Variants in INTU observed in about 807,000 individuals in gnomAD.
INTU encodes the protein inturned planar cell polarity protein.
In INTU, 68 loss-of-function variants were observed where a neutral mutation model predicts 100.5. The observed-to-expected ratio is 0.68, with a 90% CI of 0.56 to 0.83. The LOEUF is 0.83. INTU is among the 40% of genes least tolerant of loss of function. The pLI is 0.00. For synonymous variants in INTU, 357 were observed against 395.7 expected, an observed-to-expected ratio of 0.90 and a Z score of 1.16; for missense variants, 1,071 against 1,114.7, an observed-to-expected ratio of 0.96 and a Z score of 0.56.
Position 127,685,704 on chromosome 4 carries a change from C to T in INTU, c.1259+1218C>T, listed in dbSNP as rs2126229550. The stretch of plus-strand genomic sequence containing the variant: ...TTTACTCAACAGAAGAAAACTTTGC[C>T]ATATTTTGCCCTAATTGAAGCTTTC... On this transcript the variant is annotated intron_variant, in intron 7 of 15. Coordinates refer to ENST00000335251, the MANE Select transcript of INTU (RefSeq NM_015693.4). The T allele has an allele frequency of 1.3e-5, 3 of 230,560 alleles. 1 individual carries two copies. In the South Asian group the frequency reaches 1.6e-4, roughly 13 times the overall value. The allele number at this position is 230,560 out of a possible 1,614,324, so 14.3% of individuals were successfully genotyped here.
chr4:127,670,577 T>A (rs975494717), intron 5 of INTU, among the ~76,000 whole-genome samples: 1 of 151,926 alleles, frequency 6.6e-6, no homozygotes, highest in African/African-American at 2.4e-5. Context: ...ACATAAGTGA[T>A]ACAATTCACC....
intron 3 of INTU, among the ~76,000 whole-genome samples, chr4:127,658,270 T>C (rs1337423482): frequency 6.6e-6 from 1 of 152,202 alleles, no homozygotes; most frequent in Non-Finnish European, 1.5e-5. Flanking sequence ...ATGAAAGTGC[T>C]GGAATAACTA....
intron 2 of INTU, among the ~76,000 whole-genome samples, chr4:127,651,539 C>T (rs1415586008): frequency 4.6e-5 from 7 of 152,106 alleles, no homozygotes; most frequent in Admixed American, 6.6e-5. Context: ...AGATAAGCGG[C>T]GTTATTTCTG....
intron 3 of INTU, among the ~76,000 whole-genome samples, chr4:127,661,800 A>T (rs1728489835): frequency 6.6e-6 from 1 of 152,170 alleles, no homozygotes; most frequent in South Asian, 2.1e-4. Context: ...TGGGGTAGAT[A>T]CCCAGTAGAG....
At chr4:127,691,962 G>GTGTATATATATATATATATGTATA in intron 8 of INTU, among the ~76,000 whole-genome samples, 1 of 98,230 alleles carries the variant, frequency 1.0e-5, no homozygotes, top group Non-Finnish European at 2.1e-5. Context: ...TCCATGGTAT[G>GTGTATATATATATATATATGTATA]TATATATATA....
chr4:127,694,527 A>G (rs1252356385), intron 8 of INTU, among the ~76,000 whole-genome samples: 1 of 152,082 alleles, frequency 6.6e-6, no homozygotes, highest in African/African-American at 2.4e-5. Context: ...GATTAGTTTA[A>G]TGAAGTCTAG....
intron 9 of INTU, among the ~76,000 whole-genome samples, chr4:127,703,733 T>A (rs1457102367): frequency 6.6e-6 from 1 of 152,192 alleles, no homozygotes; most frequent in East Asian, 1.9e-4. Flanking sequence ...ATAATCCAAC[T>A]GTTAACTTTT....
Position 127,633,005 on chromosome 4 carries a change from A to C in INTU, c.-30A>C, listed in dbSNP as rs201795409. The C allele has an allele frequency of 1.3e-6, 2 of 1,597,448 alleles. No individual in the cohort carries two copies. Among genetic ancestry groups the C allele is most frequent in the Non-Finnish European group, 1.7e-6 (2 of 1,168,384 alleles). On this transcript the variant is annotated 5_prime_UTR_variant, in exon 1 of 16. Transcript: ENST00000335251. ...AAGCTATAGCTGCGAGATTTGAATT[A>C]CTCCACTCGTAGCTATTGCATTCCT...
At chr4:127,646,126 A>T (rs1423032365) in intron 2 of INTU, among the ~76,000 whole-genome samples, 2 of 151,044 alleles carry the variant, frequency 1.3e-5, no homozygotes, top group African/African-American at 4.9e-5. Flanking sequence ...AGAGGTTGCA[A>T]TGAGCCAAGA....
Position 127,706,806 on chromosome 4 carries a change from A to G in INTU, c.2108A>G (p.Lys703Arg), listed in dbSNP as rs1730899384. The G allele has an allele frequency of 1.2e-6, 2 of 1,614,122 alleles. No homozygotes were observed. Among genetic ancestry groups the G allele is most frequent in the Non-Finnish European group, 1.7e-6 (2 of 1,180,002 alleles). The change falls in exon 12 of 16, where the codon AAG becomes AGG. Residue 703 changes from lysine to arginine, a missense_variant. Physicochemically the swap from Lys to Arg is conservative, Grantham distance 26. Coordinates refer to ENST00000335251, the MANE Select transcript of INTU (RefSeq NM_015693.4). Reference sequence around the variant, plus strand: ...ACGCTTTTTGGTGACTATTCCTTAAAGACACGCAAGCCTAGTCCTTCCTGT... The same window carrying G: ...ACGCTTTTTGGTGACTATTCCTTAAGGACACGCAAGCCTAGTCCTTCCTGT... ...RRTLFGDYSLKTRKPSPSCSS... is the reference protein window; with the variant it reads ...RRTLFGDYSLRTRKPSPSCSS...
At chr4:127,682,014 C>G (rs1176997865) in intron 6 of INTU, among the ~76,000 whole-genome samples, 1 of 149,342 alleles carries the variant, frequency 6.7e-6, no homozygotes, top group African/African-American at 2.6e-5. Context: ...TGCTCATCAT[C>G]ACTGGCCATC....
chr4:127,686,096 T>G (rs1223439622), intron 7 of INTU: 1 of 152,198 alleles, frequency 6.6e-6, no homozygotes, highest in East Asian at 1.9e-4. Flanking sequence ...AAGGGCCAAT[T>G]GTGAAAAATT....
intron 2 of INTU, among the ~76,000 whole-genome samples, chr4:127,644,263 T>C (rs188113600): frequency 1.8e-4 from 28 of 152,336 alleles, no homozygotes; most frequent in Middle Eastern, 3.4e-3. Flanking sequence ...GTGTTGAGTA[T>C]GTGTGTGCCT....
chr4:127,651,473 G>A (rs187540327), intron 2 of INTU, among the ~76,000 whole-genome samples: 8,335 of 152,134 alleles, frequency 0.055, 323 homozygotes, highest in Non-Finnish European at 0.082. Flanking sequence ...TATTAAATAG[G>A]GAATCCTTTC....
chr4:127,672,005 C>T (rs770863738), intron 5 of INTU, among the ~76,000 whole-genome samples: 5 of 151,730 alleles, frequency 3.3e-5, no homozygotes, highest in African/African-American at 1.2e-4. Context: ...TTTTGAAGGG[C>T]GGGAGGGGAG....
intron 6 of INTU, among the ~76,000 whole-genome samples, chr4:127,677,673 A>T (rs1452954740): frequency 6.6e-6 from 1 of 152,160 alleles, no homozygotes; most frequent in Non-Finnish European, 1.5e-5. Context: ...GAAAAACTGG[A>T]AACTCTAAAA....
At chr4:127,679,897 C>A (rs542115045) in intron 6 of INTU, among the ~76,000 whole-genome samples, 1 of 151,882 alleles carries the variant, frequency 6.6e-6, no homozygotes, top group Non-Finnish European at 1.5e-5. Flanking sequence ...ATCAAATAGA[C>A]GCAATAAAAA....
rs868559443 is a variant in INTU at position 127,681,841 on chromosome 4, T to C, written c.1182-2568T>C. Among the ~76,000 whole-genome samples, 1,412 of 152,172 alleles carry C rather than the reference T, an allele frequency of 9.3e-3. 22 individuals are homozygous for C. The highest frequency in any genetic ancestry group is 0.028 in the African/African-American group (1,163 of 41,492). On this transcript the variant is annotated intron_variant, in intron 6 of 15. Transcript: ENST00000335251. ...AACCTACAAAATGGGAGAAAATTTT[T>C]GCAACCTACTCATCTGACAAAGGGC...
intron 6 of INTU, among the ~76,000 whole-genome samples, chr4:127,676,694 A>C (rs1286652189): frequency 2.0e-5 from 3 of 152,008 alleles, no homozygotes; most frequent in Non-Finnish European, 4.4e-5. Context: ...TGATTTCTGC[A>C]TTTCCATCTG....
Sources: allele counts gnomAD v4.1 joint callset (sites outside exome capture counted in the v4.1 genomes callset), GRCh38; gene constraint gnomAD v4.1.1; transcripts MANE v1.5; gene names NCBI Gene and HGNC (gene_info 2026-07-23, HGNC 2026-07-21).